MMD2: variants seen among roughly 807,000 people sequenced by gnomAD.
The protein encoded by MMD2 is monocyte to macrophage differentiation factor 2.
MMD2 carries 30 observed loss-of-function variants against 33.5 expected under a neutral mutation model. That is an observed-to-expected ratio of 0.90 (90% CI 0.67 to 1.22). The LOEUF (loss-of-function observed/expected upper bound fraction) is 1.22, where lower values mean the gene tolerates loss of function less well. Among genes scored for constraint, MMD2 ranks in the 50% most tolerant of loss-of-function variants. The pLI, the probability that MMD2 is intolerant of heterozygous loss-of-function variation, is 0.00. For synonymous variants in MMD2, 129 were observed against 123.0 expected, an observed-to-expected ratio of 1.05 and a Z score of -0.32; for missense variants, 364 against 325.4, an observed-to-expected ratio of 1.12 and a Z score of -0.91.
intron 5 of MMD2, among the ~76,000 whole-genome samples, chr7:4,910,485 C>T (rs1046939595): frequency 3.3e-5 from 5 of 152,096 alleles, no homozygotes; most frequent in African/African-American, 1.2e-4. Context: ...CCCCATCACT[C>T]GAAAGAATGG....
intron 1 of MMD2, among the ~76,000 whole-genome samples, chr7:4,955,968 G>A (rs140907676): frequency 0.054 from 8,128 of 151,670 alleles, 275 homozygotes; most frequent in East Asian, 0.11. Flanking sequence ...CAGGAGAATC[G>A]CTTAAACCTG....
chr7:4,938,010 T>C (rs1478295170), intron 1 of MMD2, among the ~76,000 whole-genome samples: 24 of 112,834 alleles, frequency 2.1e-4, no homozygotes, highest in African/African-American at 3.7e-4. Flanking sequence ...TTCTTTTTTT[T>C]TTTTTTTTTT....
chr7:4,948,289 G>C (rs1245371869), intron 1 of MMD2, among the ~76,000 whole-genome samples: 1 of 152,208 alleles, frequency 6.6e-6, no homozygotes, highest in African/African-American at 2.4e-5. Context: ...CACTTTGGGA[G>C]ACTGAGGCAG....
chr7:4,954,548 A>C (rs1448432845), intron 1 of MMD2, among the ~76,000 whole-genome samples: 1 of 151,788 alleles, frequency 6.6e-6, no homozygotes, highest in East Asian at 1.9e-4. Flanking sequence ...CTCCTGAGTA[A>C]CTGGGACTAC....
chr7:4,952,681 C>T lies in MMD2; in HGVS notation c.47+6290G>A, dbSNP rs1021628161. Among the ~76,000 whole-genome samples the T allele has an allele frequency of 7.8e-4, 110 of 141,068 alleles. 4 individuals carry two copies. Among genetic ancestry groups the T allele is most frequent in the Non-Finnish European group, 3.1e-4 (20 of 65,408 alleles). 92.5% of individuals were successfully genotyped at this position (141,068 alleles called of 152,430 possible). On this transcript the variant is annotated intron_variant, in intron 1 of 6. Transcript: ENST00000401401. ...ATGTGGGGATCTCGGTTGCGTGCTC[C>T]GTATGAGATTTTTTTTTTTTTTTTT...
intron 2 of MMD2, 133 bp downstream of exon 2, chr7:4,925,318 G>A (rs59862378): frequency 1.7e-6 from 1 of 586,334 alleles, no homozygotes; most frequent in Non-Finnish European, 2.8e-6. Context: ...ACGCCACAGT[G>A]GCCTTCCCTG....
chr7:4,946,853 G>C lies in MMD2; in HGVS notation c.47+12118C>G, dbSNP rs1177312047. Among the ~76,000 whole-genome samples, 3 of 152,040 alleles carry C rather than the reference G, an allele frequency of 2.0e-5. No homozygotes were observed. The highest frequency in any genetic ancestry group is 7.2e-5 in the African/African-American group (3 of 41,414). On this transcript the variant is annotated intron_variant, in intron 1 of 6. Transcript: ENST00000401401. This position sits in a 1 kb window ranked among gnomAD's most constrained non-coding sequence, Gnocchi z 5.0. ...CTCAACGGATCCTCCCCAGTAGCTG[G>C]GACTACAGGCTTGTGCCACACTACT...
rs1415709385 is a variant in MMD2, at chr7:4,940,639, C to G, written c.48-15107G>C. Among the ~76,000 whole-genome samples, 1 of 152,208 alleles carries G rather than the reference C, an allele frequency of 6.6e-6. No homozygotes were observed. Among genetic ancestry groups the G allele is most frequent in the Non-Finnish European group, 1.5e-5 (1 of 68,036 alleles). On this transcript the variant is annotated intron_variant, in intron 1 of 6. Transcript: ENST00000401401. The surrounding 1 kb of genome is among the most constrained non-coding windows in gnomAD (Gnocchi z 5.0). The stretch of plus-strand genomic sequence containing the variant: ...GCTCCTCCTGAAAGGCCGGCGGTAT[C>G]TTGGCTCAGTCTTTGGGAAACAGTC...
downstream of MMD2, among the ~76,000 whole-genome samples, chr7:4,901,198 T>G (rs1362561794): frequency 6.6e-6 from 1 of 151,374 alleles, no homozygotes; most frequent in Non-Finnish European, 1.5e-5. Flanking sequence ...CCCACCACCT[T>G]GGGAGGCCAA....
At chr7:4,950,943 C>A (rs1410743896) in intron 1 of MMD2, among the ~76,000 whole-genome samples, 2 of 152,014 alleles carry the variant, frequency 1.3e-5, no homozygotes, top group Non-Finnish European at 2.9e-5. Flanking sequence ...GAACTCTTGA[C>A]CTCAGATGAC....
At chr7:4,936,596 T>C (rs1785747778) in intron 1 of MMD2, among the ~76,000 whole-genome samples, 1 of 152,180 alleles carries the variant, frequency 6.6e-6, no homozygotes, top group Admixed American at 6.6e-5. Context: ...TTTCACTGTG[T>C]TGCTCAGGCT....
intron 5 of MMD2, 60 bp from the exon 6 acceptor site, chr7:4,910,010 A>G (rs898339124): frequency 6.2e-7 from 1 of 1,613,954 alleles, no homozygotes; most frequent in South Asian, 1.1e-5. Context: ...GAAACTGCAC[A>G]CAGCTCCCTG....
chr7:4,893,643 C>T, the MMD2 span, among the ~76,000 whole-genome samples: 1 of 151,748 alleles, frequency 6.6e-6, no homozygotes, highest in Non-Finnish European at 1.5e-5. Context: ...GTGCCTGCCT[C>T]GGCCTCCCAA....
At chr7:4,909,405 A>C (rs904954121) in intron 6 of MMD2, among the ~76,000 whole-genome samples, 1 of 149,402 alleles carries the variant, frequency 6.7e-6, no homozygotes, top group Non-Finnish European at 1.5e-5. Flanking sequence ...AGACCATCCT[A>C]GGCAGCACAG....
intron 1 of MMD2, among the ~76,000 whole-genome samples, chr7:4,950,447 C>T (rs2115159313): frequency 6.6e-6 from 1 of 152,200 alleles, no homozygotes; most frequent in African/African-American, 2.4e-5. Context: ...CTCCAGAACT[C>T]TTTTTATCTT....
At chr7:4,943,464 C>A (rs972380919) in intron 1 of MMD2, among the ~76,000 whole-genome samples, 13 of 152,146 alleles carry the variant, frequency 8.5e-5, no homozygotes, top group Non-Finnish European at 1.5e-4. Flanking sequence ...TTTCAACTCA[C>A]ACCCTACCCA....
chr7:4,893,740 T>A, the MMD2 span, among the ~76,000 whole-genome samples: 1 of 152,126 alleles, frequency 6.6e-6, no homozygotes, highest in African/African-American at 2.4e-5. Flanking sequence ...TTCATGAGTT[T>A]TCCAGGAAAC....
chr7:4,923,640 T>G (rs1227105629), intron 2 of MMD2, among the ~76,000 whole-genome samples: 1 of 152,144 alleles, frequency 6.6e-6, no homozygotes, highest in East Asian at 1.9e-4. Flanking sequence ...AGTGTAGACT[T>G]GTGTCGATGA....
intron 1 of MMD2, among the ~76,000 whole-genome samples, chr7:4,939,409 G>A (rs1483998618): frequency 6.6e-6 from 1 of 151,960 alleles, no homozygotes; most frequent in Non-Finnish European, 1.5e-5. Context: ...CAGGTGTGGT[G>A]GTGTGTACCT....
Sources: gnomAD v4.1 joint callset for allele counts (sites outside exome capture counted in the v4.1 genomes callset) on GRCh38, gnomAD v4.1.1 for gene constraint, Gnocchi (gnomAD v3.1) non-coding constraint, MANE v1.5 for transcripts, NCBI Gene and HGNC (gene_info 2026-07-23, HGNC 2026-07-21) for gene names.